PRKG1: variants seen among roughly 807,000 people sequenced by gnomAD.
PRKG1 encodes the protein protein kinase cGMP-dependent 1, also known as cGMP-dependent protein kinase 1.
In PRKG1, 35 loss-of-function variants were observed where a neutral mutation model predicts 88.1. The observed-to-expected ratio is 0.40, with a 90% CI of 0.30 to 0.53. The LOEUF is 0.53. Among genes scored for constraint, PRKG1 ranks in the 20% least tolerant of loss-of-function variants. The pLI is 0.59. For missense variants in PRKG1, 540 were observed against 839.8 expected (o/e 0.64, Z 4.41); for synonymous variants, 303 against 292.5 (o/e 1.04, Z -0.37).
At chr10:52,232,593 C>A (rs1840551857) in intron 9 of PRKG1, among the ~76,000 whole-genome samples, 1 of 152,168 alleles carries the variant, frequency 6.6e-6, no homozygotes, top group South Asian at 2.1e-4. Context: ...AATTGTTTGC[C>A]CCATATTTCA....
intron 7 of PRKG1, among the ~76,000 whole-genome samples, chr10:52,082,542 C>T (rs942689503): frequency 2.6e-5 from 4 of 152,130 alleles, no homozygotes; most frequent in African/African-American, 9.7e-5. Context: ...CAAATTGTCT[C>T]TGGCAAGCTG....
intron 4 of PRKG1, among the ~76,000 whole-genome samples, chr10:51,872,997 T>C (rs558133430): frequency 3.9e-5 from 6 of 152,270 alleles, no homozygotes; most frequent in Non-Finnish European, 8.8e-5. Flanking sequence ...TTCTCAAGCC[T>C]ATATAGTTAT....
chr10:51,411,489 A>T (rs1270479518), intron 2 of PRKG1, among the ~76,000 whole-genome samples: 1 of 152,196 alleles, frequency 6.6e-6, no homozygotes, highest in Non-Finnish European at 1.5e-5. Context: ...GTCAATTTGT[A>T]TGTGCATCTG....
chr10:51,018,939 A>C (rs963683800), intron 1 of PRKG1, among the ~76,000 whole-genome samples: 2 of 152,240 alleles, frequency 1.3e-5, no homozygotes, highest in African/African-American at 4.8e-5. Flanking sequence ...GTTACTTAGG[A>C]AATACATTTT....
At chr10:51,555,649 C>T (rs1564548203) in intron 3 of PRKG1, among the ~76,000 whole-genome samples, 1 of 151,972 alleles carries the variant, frequency 6.6e-6, no homozygotes, top group Non-Finnish European at 1.5e-5. Context: ...TAAGTATGTT[C>T]CTTCTTCCTG....
chr10:51,820,699 G>A (rs752108450), intron 4 of PRKG1, among the ~76,000 whole-genome samples: 4 of 152,134 alleles, frequency 2.6e-5, no homozygotes, highest in Non-Finnish European at 5.9e-5. Context: ...ACTGATTTTT[G>A]GCTTTGTAAT....
At chr10:51,405,805 G>A (rs540836259) in intron 2 of PRKG1, among the ~76,000 whole-genome samples, 6 of 152,266 alleles carry the variant, frequency 3.9e-5, no homozygotes, top group Non-Finnish European at 8.8e-5. Flanking sequence ...TGGAAACCAC[G>A]TGGGGTTCAT....
chr10:51,950,091 G>A (rs1843148058), intron 5 of PRKG1, among the ~76,000 whole-genome samples: 1 of 152,082 alleles, frequency 6.6e-6, no homozygotes, highest in African/African-American at 2.4e-5. Context: ...AGAAAAAGTT[G>A]GACTACATAA....
At chr10:52,012,791 A>G (rs544237105) in intron 5 of PRKG1, among the ~76,000 whole-genome samples, 1 of 152,322 alleles carries the variant, frequency 6.6e-6, no homozygotes, top group East Asian at 1.9e-4. Context: ...TGGGATATAT[A>G]TTATGGATCA....
chr10:52,050,817 T>C (rs1055171848), intron 5 of PRKG1, among the ~76,000 whole-genome samples: 4 of 152,204 alleles, frequency 2.6e-5, no homozygotes, highest in African/African-American at 9.6e-5. Context: ...GACTAGACTA[T>C]ATCTGGATAT....
At chr10:51,750,291 G>A (rs1246757462) in intron 3 of PRKG1, among the ~76,000 whole-genome samples, 1 of 152,116 alleles carries the variant, frequency 6.6e-6, no homozygotes, top group East Asian at 1.9e-4. Context: ...GTGTGGTCCC[G>A]CAACTGACTT....
chr10:51,257,290 T>G (rs1485802763), intron 2 of PRKG1, among the ~76,000 whole-genome samples: 2 of 152,106 alleles, frequency 1.3e-5, no homozygotes, highest in African/African-American at 4.8e-5. Context: ...ATTTTAAGTT[T>G]AGCAGAGCTA....
At chr10:51,746,254 AC>A (rs1837575247) in intron 3 of PRKG1, among the ~76,000 whole-genome samples, 1 of 151,878 alleles carries the variant, frequency 6.6e-6, no homozygotes, top group Non-Finnish European at 1.5e-5. Flanking sequence ...CGAACAAGCA[AC>A]CTGTGTAGAT....
At chr10:51,288,481 C>T (rs1181402544) in intron 2 of PRKG1, among the ~76,000 whole-genome samples, 1 of 152,134 alleles carries the variant, frequency 6.6e-6, no homozygotes, top group Non-Finnish European at 1.5e-5. Context: ...GTTTTCAATG[C>T]AGTTTTAAAG....
chr10:51,711,031 TACAA>T (rs1172927734), intron 3 of PRKG1, among the ~76,000 whole-genome samples: 5 of 151,922 alleles, frequency 3.3e-5, no homozygotes, highest in African/African-American at 7.2e-5. Flanking sequence ...GTGAAAGACT[TACAA>T]TTCCCCTTTT....
At chr10:51,137,448 A>G (rs1157894861) in intron 1 of PRKG1, among the ~76,000 whole-genome samples, 2 of 152,176 alleles carry the variant, frequency 1.3e-5, no homozygotes, top group Non-Finnish European at 2.9e-5. Context: ...AAAAATCTCC[A>G]ATTGACTCTG....
intron 3 of PRKG1, among the ~76,000 whole-genome samples, chr10:51,605,677 G>A (rs1838745983): frequency 6.6e-6 from 1 of 152,070 alleles, no homozygotes; most frequent in South Asian, 2.1e-4. Flanking sequence ...CAATAGAGCC[G>A]GCCTTTGGTA....
intron 1 of PRKG1, among the ~76,000 whole-genome samples, chr10:51,004,619 G>A (rs997751255): frequency 1.3e-5 from 2 of 151,902 alleles, no homozygotes; most frequent in East Asian, 3.9e-4. Context: ...TTTTATACTT[G>A]AGTTACATTC....
At chr10:51,675,488 A>C (rs1186106168) in intron 3 of PRKG1, among the ~76,000 whole-genome samples, 1 of 152,158 alleles carries the variant, frequency 6.6e-6, no homozygotes, top group Non-Finnish European at 1.5e-5. Flanking sequence ...AAAAAATAAG[A>C]TTCCCTTTCA....
Sources: allele counts gnomAD v4.1 joint callset (sites outside exome capture counted in the v4.1 genomes callset), GRCh38; gene constraint gnomAD v4.1.1; transcripts MANE v1.5; gene names NCBI Gene and HGNC (gene_info 2026-07-23, HGNC 2026-07-21).